Variants in MMP17 observed in about 807,000 individuals in gnomAD.
MMP17 encodes the protein matrix metallopeptidase 17, also known as matrix metalloproteinase-17.
In MMP17, 54 loss-of-function variants were observed where a neutral mutation model predicts 49.1. The ratio of observed to expected loss-of-function variants is 1.10; its 90% CI spans 0.88 to 1.38. The LOEUF is 1.38. Ranked by LOEUF, MMP17 falls within the 40% of genes most tolerant of loss-of-function variation. The pLI is 0.00. For synonymous variants in MMP17, 397 were observed against 383.1 expected (o/e 1.04, Z -0.42); for missense variants, 837 against 853.7 (o/e 0.98, Z 0.24).
In MMP17 at chr12:131,849,607, TGG is replaced by T. The variant is rs1042413771; in HGVS notation, c.1205-193_1205-192del. ...ACAGGCTGGATGGGATGGCCCGGACTGGGCACAGTAGGTGCTCACTAAGTATC... is the reference window on the plus strand; with the variant it reads ...ACAGGCTGGATGGGATGGCCCGGACTGCACAGTAGGTGCTCACTAAGTATC... On this transcript the variant is annotated intron_variant, in intron 8 of 9. Coordinates refer to ENST00000360564, the MANE Select transcript of MMP17 (RefSeq NM_016155.7). Among the ~76,000 whole-genome samples, 9 of 152,310 alleles carry T rather than the reference TGG, an allele frequency of 5.9e-5. No individual in the cohort carries two copies. In the Middle Eastern group the frequency reaches 0.01, roughly 173 times the overall value.
intron 6 of MMP17, 166 bp downstream of exon 6, chr12:131,844,247 A>G (rs2136333507): frequency 1.6e-6 from 1 of 626,486 alleles, no homozygotes; most frequent in East Asian, 3.1e-5. Context: ...CCCATCTAAT[A>G]CCGGCCCTCC....
rs1396750131 is a variant in MMP17 at position 131,828,454 on chromosome 12, C to T, written c.-41C>T. 16 of 983,368 alleles carry T rather than the reference C, an allele frequency of 1.6e-5. No individual in the cohort carries two copies. Among genetic ancestry groups the T allele is most frequent in the African/African-American group, 7.0e-5 (4 of 56,892 alleles). The allele number at this position is 983,368 out of a possible 1,614,324, so 60.9% of individuals were successfully genotyped here. Reference sequence around the variant, plus strand: ...GGGCTGCGGAACGCGAAGCGGAGGGCGCGGGACCCTGCACGCCGCCCGCGG... The same window carrying T: ...GGGCTGCGGAACGCGAAGCGGAGGGTGCGGGACCCTGCACGCCGCCCGCGG... On this transcript the variant is annotated 5_prime_UTR_variant, in exon 1 of 10. Coordinates refer to ENST00000360564, the MANE Select transcript of MMP17 (RefSeq NM_016155.7).
chr12:131,840,636 C>T lies in MMP17; in HGVS notation c.486C>T (p.Tyr162=), dbSNP rs1213505984. 6.8e-6 allele frequency: 11 copies of T among 1,609,212 alleles called. No individual in the cohort carries two copies. The highest frequency in any genetic ancestry group is 6.7e-5 in the East Asian group (3 of 44,882). Residue 162 remains tyrosine (Y), a synonymous_variant, in exon 4 of 10, where the codon TAC becomes TAT. Coordinates refer to ENST00000360564, the MANE Select transcript of MMP17 (RefSeq NM_016155.7). ...ACACGGTGCGTGCACTCATGTACTA[C>T]GCCCTCAAGGTCTGGAGCGACATTG... ...GHDTVRALMY[Y]ALKVWSDIAP... is the part of the protein sequence containing the mutation.
rs556625128 is a variant in MMP17 at position 131,849,312 on chromosome 12, C to T, written c.1205-490C>T. ...CAGCCTGGCCAACATGGTGAAACCC[C>T]GTCTCTACTAAAAATACAAAAATTA... On this transcript the variant is annotated intron_variant, in intron 8 of 9. Coordinates refer to ENST00000360564, the MANE Select transcript of MMP17 (RefSeq NM_016155.7). Among the ~76,000 whole-genome samples the T allele has an allele frequency of 3.8e-3, 578 of 152,186 alleles. 3 individuals carry two copies. Among genetic ancestry groups the T allele is most frequent in the African/African-American group, 0.013 (536 of 41,520 alleles).
rs780200429 is a variant in MMP17, at chr12:131,841,655, T to C, written c.738T>C (p.Ala246=). ...ACGGGATGGACCTGTTTGCAGTGGC[T>C]GTCCACGAGTTTGGCCACGCCATTG... ...DAHGMDLFAV[A]VHEFGHAIGL... is the part of the protein sequence containing the mutation. Residue 246 remains alanine, a synonymous_variant, in exon 5 of 10, where the codon GCT becomes GCC. Transcript: ENST00000360564. The C allele has an allele frequency of 6.2e-7, 1 of 1,614,096 alleles. No individual in the cohort carries two copies.
At chr12:131,843,215 C>G (rs1371189071) in intron 5 of MMP17, among the ~76,000 whole-genome samples, 1 of 151,798 alleles carries the variant, frequency 6.6e-6, no homozygotes, top group African/African-American at 2.4e-5. Context: ...ATCCACCCAC[C>G]TCGGCCTCCC....
intron 1 of MMP17, among the ~76,000 whole-genome samples, chr12:131,831,865 G>T (rs1457298520): frequency 3.9e-4 from 2 of 5,136 alleles, no homozygotes; most frequent in African/African-American, 1.2e-3. Flanking sequence ...GGAGAGGATC[G>T]GCGTGGGGGG....
At chr12:131,841,519 G>A in intron 4 of MMP17, 105 bp from the exon 5 acceptor site, 1 of 1,201,406 alleles carries the variant, frequency 8.3e-7, no homozygotes, top group Non-Finnish European at 1.2e-6. Flanking sequence ...CCGGCATCGA[G>A]GCATCCCCAT....
rs137879611 is a variant in MMP17 at position 131,838,256 on chromosome 12, C to T, written c.221C>T (p.Thr74Met). The stretch of plus-strand genomic sequence containing the variant: ...GACCCCACAACAGGGCAGCTGCAGA[C>T]GCAAGAGGAGCTGTCTAAGGCCATC... ...PADPTTGQLQ[T>M]QEELSKAITA... Residue 74 changes from threonine to methionine, a missense_variant, in exon 2 of 10, where the codon ACG (threonine) becomes ATG (methionine). Thr to Met is a moderately conservative substitution (Grantham distance 81). Coordinates refer to ENST00000360564, the MANE Select transcript of MMP17 (RefSeq NM_016155.7). The T allele has an allele frequency of 6.2e-6, 10 of 1,613,158 alleles. No individual in the cohort carries two copies. The African/African-American group carries it at 6.7e-5, about 11-fold the overall frequency.
rs1329659929 is a variant in MMP17, at chr12:131,845,434, A to G, written c.1189A>G (p.Ile397Val). ...GTACGAGCGCACCAGCGACCACAAG[A>G]TCGTCTTCTTTAAAGGTGGGTGGGC... The part of the protein sequence containing the change: ...AVYERTSDHK[I>V]VFFKGDRYWV... The change falls in exon 8 of 10, where the codon ATC becomes GTC. Residue 397 changes from isoleucine (I) to valine (V), a missense_variant. Coordinates refer to ENST00000360564, the MANE Select transcript of MMP17 (RefSeq NM_016155.7). 1.3e-6 allele frequency: 2 copies of G among 1,571,930 alleles called. No homozygotes were observed. Among genetic ancestry groups the G allele is most frequent in the East Asian group, 2.3e-5 (1 of 44,266 alleles).
In MMP17 at chr12:131,841,571, G is replaced by T. The variant is rs961250321; in HGVS notation, c.707-53G>T. 69 of 1,596,550 alleles carry T rather than the reference G, an allele frequency of 4.3e-5. No individual in the cohort carries two copies. In the Admixed American group the frequency reaches 8.2e-4, roughly 19 times the overall value. On this transcript the variant is annotated intron_variant, in intron 4 of 9. Transcript: ENST00000360564. ...GGTGGGGGCCTGCTGGTCCCTCCCCGCGGGGACAGGGCCCTTCTTGCCCTT... is the reference window on the plus strand; with the variant it reads ...GGTGGGGGCCTGCTGGTCCCTCCCCTCGGGGACAGGGCCCTTCTTGCCCTT...
chr12:131,829,617 G>A (rs768564892), intron 1 of MMP17, among the ~76,000 whole-genome samples: 1 of 152,206 alleles, frequency 6.6e-6, no homozygotes, highest in Non-Finnish European at 1.5e-5. Context: ...CCTCGTCCGC[G>A]GACAGTCTCC....
rs373112575 is a variant in MMP17 at position 131,845,247 on chromosome 12, T to C, written c.1051+47T>C. On this transcript the variant is annotated intron_variant, in intron 7 of 9. Transcript: ENST00000360564. ...CGGTTGGCTGAGGGCCATGGCCCAC[T>C]CTGGGTGCAGACCGTCTCTGCAGCC... The C allele has an allele frequency of 9.6e-5, 155 of 1,613,896 alleles. No individual in the cohort carries two copies. In the Middle Eastern group the frequency reaches 1.6e-3, roughly 17 times the overall value.
In MMP17 at chr12:131,846,145, G is replaced by C. The variant is rs145255187; in HGVS notation, c.1204+696G>C. Among the ~76,000 whole-genome samples the C allele has an allele frequency of 2.0e-5, 3 of 152,278 alleles. No homozygotes were observed. The highest frequency in any genetic ancestry group is 2.0e-4 in the Admixed American group (3 of 15,302). ...ACCCCCATGCTGGGCTGAAACACCC[G>C]GAGTTTCCCTCACAGTCTGGAGGCC... On this transcript the variant is annotated intron_variant, in intron 8 of 9. Coordinates refer to ENST00000360564, the MANE Select transcript of MMP17 (RefSeq NM_016155.7). The surrounding 1 kb of genome is among the most constrained non-coding windows in gnomAD (Gnocchi z 4.6).
chr12:131,831,464 G>A (rs369499115), intron 1 of MMP17, among the ~76,000 whole-genome samples: 19 of 152,166 alleles, frequency 1.2e-4, no homozygotes, highest in African/African-American at 4.1e-4. Context: ...CTGGGTTCCT[G>A]GCCCTCAGGA....
chr12:131,837,365 T>C (rs61943909), intron 1 of MMP17, among the ~76,000 whole-genome samples: 22,402 of 152,210 alleles, frequency 0.15, 1,856 homozygotes, highest in African/African-American at 0.23. Flanking sequence ...GCTCAAACGA[T>C]CCTCCCGCCT....
chr12:131,832,645 C>A (rs12425744), intron 1 of MMP17, among the ~76,000 whole-genome samples: 48,351 of 150,538 alleles, frequency 0.32, 9,241 homozygotes, highest in Non-Finnish European at 0.44. Flanking sequence ...GGGCACCCGC[C>A]TCTGGGATTC....
At chr12:131,842,709 G>A (rs1016320937) in intron 5 of MMP17, among the ~76,000 whole-genome samples, 3 of 151,830 alleles carry the variant, frequency 2.0e-5, no homozygotes, top group Non-Finnish European at 4.4e-5. Flanking sequence ...GGAGGCAGAG[G>A]TTGCAGTGAG....
rs763330620 is a variant in MMP17 at position 131,840,790 on chromosome 12, G to A, written c.640G>A (p.Gly214Ser). 35 of 1,605,924 alleles carry A rather than the reference G, an allele frequency of 2.2e-5. 1 individual carries two copies. In the East Asian group the frequency reaches 3.8e-4, roughly 17 times the overall value. The change falls in exon 4 of 10, where the codon GGC (glycine) becomes AGC (serine). Residue 214 changes from glycine (G) to serine (S), a missense_variant. Physicochemically the swap from Gly to Ser is moderately conservative, Grantham distance 56. Transcript: ENST00000360564. ...CACCGTGGCCCACGCCTTCTTCCCC[G>A]GCCACCACCACACCGCCGGGGACAC... Reference protein sequence around the residue: ...GGTVAHAFFPGHHHTAGDTHF... With the variant: ...GGTVAHAFFPSHHHTAGDTHF...
Sources: gnomAD v4.1 joint callset for allele counts (sites outside exome capture counted in the v4.1 genomes callset) on GRCh38, gnomAD v4.1.1 for gene constraint, Gnocchi (gnomAD v3.1) non-coding constraint, MANE v1.5 for transcripts, NCBI Gene and HGNC (gene_info 2026-07-23, HGNC 2026-07-21) for gene names.